Variants in PLEKHA6 observed in about 807,000 individuals in gnomAD.
PLEKHA6 encodes pleckstrin homology domain containing A6, also known as pleckstrin homology domain-containing family A member 6.
A neutral mutation model predicts 116.7 loss-of-function variants in PLEKHA6; 60 were observed. The ratio of observed to expected loss-of-function variants is 0.51; its 90% CI spans 0.42 to 0.64. The LOEUF is 0.64. PLEKHA6 is among the 30% of genes least tolerant of loss of function. PLEKHA6 has a pLI of 0.00. For synonymous variants in PLEKHA6, 489 were observed against 556.1 expected (o/e 0.88, Z 1.70); for missense variants, 1,338 against 1,422.7 (o/e 0.94, Z 0.96).
intron 16 of PLEKHA6, 75 bp downstream of exon 16, chr1:204,241,610 G>T (rs1441444785): frequency 4.0e-6 from 6 of 1,482,396 alleles, no homozygotes; most frequent in Non-Finnish European, 5.4e-6. Flanking sequence ...CCAGGTTTTG[G>T]GTGTGAATGA....
At chr1:204,253,198 C>T (rs1302150572) in intron 9 of PLEKHA6, among the ~76,000 whole-genome samples, 1 of 152,164 alleles carries the variant, frequency 6.6e-6, no homozygotes, top group Non-Finnish European at 1.5e-5. Context: ...AAAGAGCTCA[C>T]ATATGCACCC....
At chr1:204,331,136 G>T (rs563431741) in intron 1 of PLEKHA6, among the ~76,000 whole-genome samples, 4 of 149,794 alleles carry the variant, frequency 2.7e-5, no homozygotes, top group African/African-American at 9.9e-5. Context: ...GGAGGCGAAG[G>T]TTGCAGTGAG....
rs531309125 is a variant in PLEKHA6 at position 204,281,322 on chromosome 1, A to G, written c.-94-6513T>C. Among the ~76,000 whole-genome samples the G allele has an allele frequency of 3.9e-5, 6 of 152,232 alleles. No homozygotes were observed. The East Asian group carries it at 5.8e-4, about 15-fold the overall frequency. On this transcript the variant is annotated intron_variant, in intron 1 of 22. Transcript: ENST00000272203. ...GGGCAGATCACGAGGTCAGGAGATC[A>G]AGACCATCCTGGCTAACACAGTGAA...
chr1:204,248,752 C>T (rs759053057), intron 12 of PLEKHA6, 69 bp downstream of exon 12: 17 of 1,441,774 alleles, frequency 1.2e-5, no homozygotes, highest in Non-Finnish European at 1.3e-5. Flanking sequence ...ACAGCACAAG[C>T]TGGGAGGTGG....
At chr1:204,334,892 T>G (rs945802202) in intron 1 of PLEKHA6, among the ~76,000 whole-genome samples, 2 of 152,134 alleles carry the variant, frequency 1.3e-5, no homozygotes, top group Non-Finnish European at 2.9e-5. Flanking sequence ...AACAAGGCTC[T>G]GTCTAAAAAA....
rs1478248361 is a variant in PLEKHA6, at chr1:204,229,038, C to T, written c.2650G>A (p.Glu884Lys). The T allele has an allele frequency of 2.5e-6, 4 of 1,614,060 alleles. No homozygotes were observed. The highest frequency in any genetic ancestry group is 4.5e-5 in the East Asian group (2 of 44,894). The part of the protein sequence containing the change: ...SNLEAALRAE[E>K]PGGHAYETPR... ...GTCTCGTAGGCATGCCCGCCAGGCT[C>T]CTCTGCCCGCAGGGCTGCCTCCAGG... The change falls in exon 19 of 23, where the codon GAG (glutamate) becomes AAG (lysine). Residue 884 changes from glutamate to lysine, a missense_variant. This residue lies in a region of PLEKHA6 where 1,136 missense variants were observed against 1,163.6 expected (regional missense o/e 0.98). Transcript: ENST00000272203.
In PLEKHA6 at chr1:204,232,300, G is replaced by T. The variant is rs181112907; in HGVS notation, c.2410-1714C>A. Among the ~76,000 whole-genome samples, 789 of 152,242 alleles carry T rather than the reference G, an allele frequency of 5.2e-3. 8 individuals are homozygous for T. Among genetic ancestry groups the T allele is most frequent in the Non-Finnish European group, 8.5e-3 (576 of 68,022 alleles). ...TGAGAAAAGAACCGTTAAGCCAAGA[G>T]AAACCAGGGCTTTTTTATTTGGGAG... is the stretch of plus-strand genomic sequence containing the variant. On this transcript the variant is annotated intron_variant, in intron 17 of 22. Transcript: ENST00000272203.
At chr1:204,255,655 G>A (rs566513505) in intron 9 of PLEKHA6, 1 of 702,998 alleles carries the variant, frequency 1.4e-6, no homozygotes, top group African/African-American at 1.7e-5. Context: ...AGGTTTCTTT[G>A]CAACTGAAGA....
chr1:204,247,521 C>T (rs993104886), intron 12 of PLEKHA6, 61 bp from the exon 13 acceptor site: 10 of 1,088,228 alleles, frequency 9.2e-6, no homozygotes, highest in Non-Finnish European at 1.4e-5. Context: ...CCTCCTTATC[C>T]TGCAATGGAC....
At chr1:204,341,686 G>T (rs1672851802) in intron 1 of PLEKHA6, among the ~76,000 whole-genome samples, 1 of 152,174 alleles carries the variant, frequency 6.6e-6, no homozygotes, top group Non-Finnish European at 1.5e-5. Context: ...AGCTGGGAGG[G>T]ATGACTAACA....
chr1:204,303,785 C>T (rs1251655158), intron 1 of PLEKHA6, among the ~76,000 whole-genome samples: 1 of 152,194 alleles, frequency 6.6e-6, no homozygotes, highest in Non-Finnish European at 1.5e-5. Context: ...GCAATCACGG[C>T]TAACTGCAAC....
At chr1:204,350,748 G>A (rs1009543609) in intron 1 of PLEKHA6, among the ~76,000 whole-genome samples, 2 of 152,124 alleles carry the variant, frequency 1.3e-5, no homozygotes, top group African/African-American at 4.8e-5. Flanking sequence ...GATGGCCCCT[G>A]GTTTTATCAC....
At chr1:204,318,942 G>A (rs977707746) in intron 1 of PLEKHA6, among the ~76,000 whole-genome samples, 3 of 152,154 alleles carry the variant, frequency 2.0e-5, no homozygotes, top group South Asian at 2.1e-4. Flanking sequence ...GAAGGTTTCC[G>A]GTCCAGTAAA....
At chr1:204,266,574 T>C (rs1666850629) in intron 5 of PLEKHA6, among the ~76,000 whole-genome samples, 1 of 152,180 alleles carries the variant, frequency 6.6e-6, no homozygotes, top group African/African-American at 2.4e-5. Flanking sequence ...CTCTGTATGC[T>C]CAGCCCCTTC....
chr1:204,251,192 T>C lies in PLEKHA6; in HGVS notation c.1525-578A>G, dbSNP rs150216907. Among the ~76,000 whole-genome samples, 19 of 152,290 alleles carry C rather than the reference T, an allele frequency of 1.2e-4. No individual in the cohort carries two copies. In the East Asian group the frequency reaches 2.5e-3, roughly 20 times the overall value. ...CACCTTTGACATTAGATGGTTCCAT[T>C]ACACCCCTCATGCCTTTAACCCCAG... On this transcript the variant is annotated intron_variant, in intron 9 of 22. Transcript: ENST00000272203.
chr1:204,267,560 G>C lies in PLEKHA6; in HGVS notation c.208-13C>G. ...CCCCGGAGCTGGCCTGCGGGACATG[G>C]GAGAGGCAGATGTGAGGGCTGCAAG... On this transcript the variant is annotated splice_polypyrimidine_tract_variant and intron_variant, in intron 4 of 22. Transcript: ENST00000272203. 6.2e-7 allele frequency: 1 copy of C among 1,613,198 alleles called. No individual in the cohort carries two copies. Among genetic ancestry groups the C allele is most frequent in the Non-Finnish European group, 8.5e-7 (1 of 1,179,200 alleles).
rs1195095245 is a variant in PLEKHA6 at position 204,223,337 on chromosome 1, A to G, written c.*8+125T>C. ...GATGAATGGATGGATAGTGGGGAGGAGCAGCACAGGGCACTGGGGTAGGGG... is the reference window on the plus strand; with the variant it reads ...GATGAATGGATGGATAGTGGGGAGGGGCAGCACAGGGCACTGGGGTAGGGG... On this transcript the variant is annotated intron_variant, in intron 22 of 22. Transcript: ENST00000272203. The surrounding 1 kb of genome is among the most constrained non-coding windows in gnomAD (Gnocchi z 4.8). 1.5e-6 allele frequency: 1 copy of G among 679,460 alleles called. No homozygotes were observed. Among genetic ancestry groups the G allele is most frequent in the Non-Finnish European group, 2.7e-6 (1 of 366,070 alleles). 42.1% of individuals were successfully genotyped at this position (679,460 alleles called of 1,614,324 possible).
At chr1:204,327,020 CT>C (rs1672266231) in intron 1 of PLEKHA6, 9 of 985,220 alleles carry the variant, frequency 9.1e-6, no homozygotes, top group Non-Finnish European at 1.1e-5. Context: ...GACAAAGCAG[CT>C]ACTTGGGTTT....
rs186778293 is a variant in PLEKHA6 at position 204,284,526 on chromosome 1, G to A, written c.-94-9717C>T. On this transcript the variant is annotated intron_variant, in intron 1 of 22. Transcript: ENST00000272203. ...CCTGCACTGCTGCCTGCTGGTGGGG[G>A]ATCCAAAGGGAGCCTAGGAACAAGG... Among the ~76,000 whole-genome samples, 667 of 152,210 alleles carry A rather than the reference G, an allele frequency of 4.4e-3. 6 individuals carry two copies. Among genetic ancestry groups the A allele is most frequent in the African/African-American group, 0.015 (640 of 41,538 alleles).
Sources: gnomAD v4.1 joint callset for allele counts (sites outside exome capture counted in the v4.1 genomes callset) on GRCh38, gnomAD v4.1.1 for gene constraint, gnomAD v4.1.1 regional missense constraint, Gnocchi (gnomAD v3.1) non-coding constraint, MANE v1.5 for transcripts, NCBI Gene and HGNC (gene_info 2026-07-23, HGNC 2026-07-21) for gene names.